The following PACRG variants were observed in gnomAD, a reference collection of about 807,000 sequenced individuals.
PACRG encodes the protein parkin coregulated.
PACRG carries 29 observed loss-of-function variants against 29.7 expected under a neutral mutation model. The ratio of observed to expected loss-of-function variants is 0.98; its 90% CI spans 0.73 to 1.33. The LOEUF (loss-of-function observed/expected upper bound fraction) is 1.33, where lower values mean the gene tolerates loss of function less well. PACRG is among the 40% of genes most tolerant of loss of function. PACRG has a pLI of 0.00. For missense variants in PACRG, 279 were observed against 316.2 expected (o/e 0.88, Z 0.89); for synonymous variants, 116 against 118.7 (o/e 0.98, Z 0.15).
intron 2 of PACRG, among the ~76,000 whole-genome samples, chr6:162,981,875 A>G (rs1049044139): frequency 1.4e-5 from 2 of 147,858 alleles, no homozygotes; most frequent in Non-Finnish European, 3.0e-5. Context: ...TTCTTTTTTG[A>G]ATGTCAGCTG....
At chr6:163,237,673 A>G (rs1782308338) in intron 4 of PACRG, among the ~76,000 whole-genome samples, 1 of 152,214 alleles carries the variant, frequency 6.6e-6, no homozygotes, top group Admixed American at 6.5e-5. Flanking sequence ...GGTTATATGA[A>G]AAGAAATTGA....
intron 2 of PACRG, among the ~76,000 whole-genome samples, chr6:162,926,477 A>G (rs1189181361): frequency 6.6e-6 from 1 of 152,136 alleles, no homozygotes; most frequent in Non-Finnish European, 1.5e-5. Context: ...GAAACAGAAT[A>G]GAGATCTCAG....
At chr6:163,156,320 T>A (rs1379052248) in intron 4 of PACRG, among the ~76,000 whole-genome samples, 1 of 152,170 alleles carries the variant, frequency 6.6e-6, no homozygotes, top group Non-Finnish European at 1.5e-5. Context: ...TAAACTCTCA[T>A]CTTCCCCAAG....
At chr6:162,916,591 C>T (rs1179730029) in intron 2 of PACRG, among the ~76,000 whole-genome samples, 3 of 152,188 alleles carry the variant, frequency 2.0e-5, no homozygotes, top group Non-Finnish European at 4.4e-5. Context: ...ATGACATTAT[C>T]CTATTTTATA....
At position 163,101,226 on chromosome 6, in the gene PACRG, A is replaced by C. The variant is rs1034236785; in HGVS notation, c.613+11818A>C. On this transcript the variant is annotated intron_variant, in intron 4 of 4. Coordinates refer to ENST00000366888, the MANE Select transcript of PACRG (RefSeq NM_001080379.2). The stretch of plus-strand genomic sequence containing the variant: ...AAAGTATCTTTGTCACAAACTAAAA[A>C]ACTAATGATACAATACTGGAATTTA... 17 of 979,864 alleles carry C rather than the reference A, an allele frequency of 1.7e-5. No homozygotes were observed. In the African/African-American group the frequency reaches 2.8e-4, roughly 16 times the overall value. The allele number at this position is 979,864 out of a possible 1,614,324, so 60.7% of individuals were successfully genotyped here.
rs560769371 is a variant in PACRG, at chr6:162,873,793, A to T, written c.291+59512A>T. On this transcript the variant is annotated intron_variant, in intron 2 of 4. Transcript: ENST00000366888. The stretch of plus-strand genomic sequence containing the variant: ...CATCTTATCATCAGGCCAGCTTAAA[A>T]TTAATTTGATATGCTACCCTGACAC... Among the ~76,000 whole-genome samples the T allele has an allele frequency of 4.6e-5, 7 of 152,326 alleles. No individual in the cohort carries two copies. In the South Asian group the frequency reaches 1.2e-3, roughly 27 times the overall value.
At chr6:163,218,628 T>G (rs1419861623) in intron 4 of PACRG, among the ~76,000 whole-genome samples, 1 of 152,166 alleles carries the variant, frequency 6.6e-6, no homozygotes, top group African/African-American at 2.4e-5. Context: ...TGTCCTCCTC[T>G]TACTCAAACT....
intron 4 of PACRG, among the ~76,000 whole-genome samples, chr6:163,284,614 C>A (rs1784330236): frequency 6.6e-6 from 1 of 152,038 alleles, no homozygotes; most frequent in Admixed American, 6.6e-5. Flanking sequence ...GAAATAAAAC[C>A]GGTATTGAAA....
chr6:163,220,263 T>C (rs558646011), intron 4 of PACRG, among the ~76,000 whole-genome samples: 14 of 152,302 alleles, frequency 9.2e-5, no homozygotes, highest in African/African-American at 2.9e-4. Context: ...TTAGTAATTA[T>C]GCTCATGCTC....
At chr6:162,742,214 C>T (rs1238021182) in intron 1 of PACRG, among the ~76,000 whole-genome samples, 1 of 152,100 alleles carries the variant, frequency 6.6e-6, no homozygotes, top group Non-Finnish European at 1.5e-5. Flanking sequence ...GTGGGAGGGA[C>T]CCAGCAGGAC....
At chr6:163,000,500 C>A (rs1804486819) in intron 2 of PACRG, among the ~76,000 whole-genome samples, 2 of 152,092 alleles carry the variant, frequency 1.3e-5, no homozygotes, top group Non-Finnish European at 1.5e-5. Context: ...AGTGTGGTGG[C>A]ATCCTTATAG....
At chr6:162,774,902 T>G (rs1307930608) in intron 1 of PACRG, among the ~76,000 whole-genome samples, 7 of 152,166 alleles carry the variant, frequency 4.6e-5, no homozygotes, top group African/African-American at 1.7e-4. Context: ...TGGAGCTGCC[T>G]CTCACCTATC....
intron 4 of PACRG, among the ~76,000 whole-genome samples, chr6:163,137,140 C>G (rs1466820772): frequency 6.6e-6 from 1 of 152,128 alleles, no homozygotes; most frequent in Non-Finnish European, 1.5e-5. Flanking sequence ...TCTGGAGAAG[C>G]CTTATCTATC....
intron 4 of PACRG, among the ~76,000 whole-genome samples, chr6:163,312,380 C>G (rs1585421758): frequency 6.6e-6 from 1 of 152,276 alleles, no homozygotes; most frequent in East Asian, 1.9e-4. Context: ...TCCCCTGTTG[C>G]TTTTCATCCT....
At chr6:163,255,822 G>A (rs1783084245) in intron 4 of PACRG, among the ~76,000 whole-genome samples, 1 of 152,102 alleles carries the variant, frequency 6.6e-6, no homozygotes, top group Non-Finnish European at 1.5e-5. Flanking sequence ...TTTTAGTAGA[G>A]ATGGGGTTTT....
chr6:163,262,812 C>T lies in PACRG; in HGVS notation c.614-52015C>T, dbSNP rs371787453. Among the ~76,000 whole-genome samples the T allele has an allele frequency of 2.1e-4, 32 of 151,072 alleles. No individual in the cohort carries two copies. In the East Asian group the frequency reaches 2.7e-3, roughly 13 times the overall value. ...ATCCTAGCACTTTGGGAGGCTGAGGCGGGAGGATCACTTGAGCGCAGAAGT... is the reference window on the plus strand; with the variant it reads ...ATCCTAGCACTTTGGGAGGCTGAGGTGGGAGGATCACTTGAGCGCAGAAGT... On this transcript the variant is annotated intron_variant, in intron 4 of 4. Transcript: ENST00000366888.
intron 2 of PACRG, among the ~76,000 whole-genome samples, chr6:162,972,328 A>T (rs1222862131): frequency 6.6e-6 from 1 of 152,158 alleles, no homozygotes; most frequent in Non-Finnish European, 1.5e-5. Context: ...TCTGACTCGC[A>T]CATGTAGCAG....
intron 4 of PACRG, among the ~76,000 whole-genome samples, chr6:163,118,245 G>A (rs369671014): frequency 1.3e-5 from 2 of 152,134 alleles, no homozygotes; most frequent in Non-Finnish European, 2.9e-5. Flanking sequence ...TTCAATTTTC[G>A]GATGAACGGG....
At chr6:162,960,925 A>ACCATCAGGAAAACATTTTCTCTTTCCCAG (rs1800561868) in intron 2 of PACRG, among the ~76,000 whole-genome samples, 1 of 60,338 alleles carries the variant, frequency 1.7e-5, no homozygotes. Context: ...CTCTTTCCCA[A>ACCATCAGGAAAACATTTTCTCTTTCCCAG]TAGTTAAGAG....
Sources: gnomAD v4.1 joint callset for allele counts (sites outside exome capture counted in the v4.1 genomes callset) on GRCh38, gnomAD v4.1.1 for gene constraint, MANE v1.5 for transcripts, NCBI Gene and HGNC (gene_info 2026-07-23, HGNC 2026-07-21) for gene names.